The following GNB4 variants were observed in gnomAD, a reference collection of about 807,000 sequenced individuals.
GNB4 encodes the protein G protein subunit beta 4.
In GNB4, 28 loss-of-function variants were observed where a neutral mutation model predicts 45.2. That is an observed-to-expected ratio of 0.62 (90% CI 0.46 to 0.85). The LOEUF (loss-of-function observed/expected upper bound fraction) is 0.85. Among genes scored for constraint, GNB4 ranks in the 40% least tolerant of loss-of-function variants. The probability of loss-of-function intolerance (pLI) is 0.00; values close to 1 mark genes in which losing one functional copy is unlikely to be tolerated. For synonymous variants in GNB4, 132 were observed against 143.7 expected (o/e 0.92, Z 0.58); for missense variants, 321 against 425.4 (o/e 0.75, Z 2.16).
At chr3:179,406,270 T>G (rs1714468005) in intron 8 of GNB4, among the ~76,000 whole-genome samples, 1 of 152,212 alleles carries the variant, frequency 6.6e-6, no homozygotes, top group African/African-American at 2.4e-5. Flanking sequence ...AACATTATAG[T>G]TCAGTTTATT....
chr3:179,416,656 A>T (rs1254333635), intron 4 of GNB4, 100 bp from the exon 5 acceptor site: 1 of 636,018 alleles, frequency 1.6e-6, no homozygotes, highest in Non-Finnish European at 2.6e-6. Flanking sequence ...GAAAAATACA[A>T]TTTTTCCAAC....
At chr3:179,446,681 A>T (rs1715740545) in intron 1 of GNB4, among the ~76,000 whole-genome samples, 1 of 152,020 alleles carries the variant, frequency 6.6e-6, no homozygotes, top group South Asian at 2.1e-4. Context: ...TATTATCATC[A>T]CTCCACCAGA....
chr3:179,411,620 T>C (rs1714655556), intron 8 of GNB4, among the ~76,000 whole-genome samples: 1 of 152,172 alleles, frequency 6.6e-6, no homozygotes, highest in African/African-American at 2.4e-5. Flanking sequence ...TGAGAGAACA[T>C]CTCAACTTGA....
At chr3:179,492,278 A>C in the GNB4 span, among the ~76,000 whole-genome samples, 731 of 152,226 alleles carry the variant, frequency 4.8e-3, 9 homozygotes, top group Middle Eastern at 0.01. Context: ...AAGCTGCCCA[A>C]AGTCCATGCC....
the GNB4 span, among the ~76,000 whole-genome samples, chr3:179,525,625 C>T: frequency 1.3e-5 from 2 of 152,198 alleles, no homozygotes; most frequent in East Asian, 1.9e-4. Flanking sequence ...ATCAGGCAGG[C>T]GTCCCCGCAG....
the GNB4 span, among the ~76,000 whole-genome samples, chr3:179,508,005 G>T: frequency 6.6e-6 from 1 of 152,298 alleles, no homozygotes; most frequent in South Asian, 2.1e-4. Context: ...ATACTGAGAG[G>T]TTGGGAGAGT....
intron 1 of GNB4, among the ~76,000 whole-genome samples, chr3:179,429,238 G>GT (rs1715234413): frequency 6.6e-6 from 1 of 152,194 alleles, no homozygotes; most frequent in Non-Finnish European, 1.5e-5. Flanking sequence ...TGTAAAAGGG[G>GT]TAAAACCCCC....
chr3:179,419,612 T>C, intron 3 of GNB4, 107 bp from the exon 4 acceptor site: 3 of 730,626 alleles, frequency 4.1e-6, no homozygotes, highest in Non-Finnish European at 7.4e-6. Context: ...AGTACATTTA[T>C]AGTAACTGAA....
In GNB4 at chr3:179,413,442, C is replaced by A; in HGVS notation, c.669G>T (p.Thr223=). The change falls in exon 8 of 10, where the codon ACG becomes ACT. Residue 223 remains threonine (T), a synonymous_variant. Coordinates refer to ENST00000232564, the MANE Select transcript of GNB4 (RefSeq NM_021629.4). ...CAGCATTGATATCTGAGACATGTCC[C>A]GTGAAAGACTGTCTACACATTCCAT... ...IRDGMCRQSF[T]GHVSDINAVS... 1 of 1,613,886 alleles carries A rather than the reference C, an allele frequency of 6.2e-7. No individual in the cohort carries two copies. The highest frequency in any genetic ancestry group is 1.1e-5 in the South Asian group (1 of 91,070).
At chr3:179,419,605 A>T in intron 3 of GNB4, 100 bp from the exon 4 acceptor site, 1 of 752,830 alleles carries the variant, frequency 1.3e-6, no homozygotes, top group Non-Finnish European at 2.4e-6. Context: ...AACATAAAGT[A>T]CATTTATAGT....
the GNB4 span, among the ~76,000 whole-genome samples, chr3:179,514,524 A>G: frequency 6.6e-6 from 1 of 152,182 alleles, no homozygotes; most frequent in South Asian, 2.1e-4. Context: ...GCAAATTCAT[A>G]TGTTGAATCC....
chr3:179,466,956 G>A, the GNB4 span, among the ~76,000 whole-genome samples: 1 of 152,146 alleles, frequency 6.6e-6, no homozygotes, highest in East Asian at 1.9e-4. Context: ...AATGTTAAGG[G>A]TGGATTTTTA....
upstream of GNB4, among the ~76,000 whole-genome samples, chr3:179,455,133 G>A (rs889626016): frequency 3.9e-5 from 6 of 152,254 alleles, no homozygotes; most frequent in African/African-American, 1.2e-4. Context: ...TCAGGTTCTC[G>A]TTAACCATGG....
rs1186398900 is a variant in GNB4, at chr3:179,414,981, C to T, written c.334G>A (p.Val112Ile). 7 of 1,612,166 alleles carry T rather than the reference C, an allele frequency of 4.3e-6. No individual in the cohort carries two copies. The highest frequency in any genetic ancestry group is 5.9e-6 in the Non-Finnish European group (7 of 1,178,690). Residue 112 changes from valine (V) to isoleucine (I), a missense_variant, in exon 6 of 10, where the codon GTT becomes ATT. Physicochemically the swap from Val to Ile is conservative, Grantham distance 29 (BLOSUM62 3). Coordinates refer to ENST00000232564, the MANE Select transcript of GNB4 (RefSeq NM_021629.4). ...TCAYAPSGNY[V>I]ACGGLDNICS... ...ATGTTGTCCAAGCCTCCACAGGCAA[C>T]ATAATTACCAGAGGGAGCATAAGCA... is the stretch of plus-strand genomic sequence containing the variant.
chr3:179,483,167 G>A, the GNB4 span, among the ~76,000 whole-genome samples: 1 of 151,578 alleles, frequency 6.6e-6, no homozygotes, highest in African/African-American at 2.4e-5. Context: ...TGTTTTTCCT[G>A]TGTATACCCT....
At chr3:179,495,975 A>T in the GNB4 span, among the ~76,000 whole-genome samples, 1 of 152,202 alleles carries the variant, frequency 6.6e-6, no homozygotes, top group Non-Finnish European at 1.5e-5. Context: ...AAACAAAAGG[A>T]AACTAATTAG....
At chr3:179,439,098 T>G (rs1302645291) in intron 1 of GNB4, among the ~76,000 whole-genome samples, 1 of 152,160 alleles carries the variant, frequency 6.6e-6, no homozygotes, top group Non-Finnish European at 1.5e-5. Flanking sequence ...GACTACAGAC[T>G]CGGAAACCTT....
At chr3:179,491,773 A>C in the GNB4 span, among the ~76,000 whole-genome samples, 1 of 152,220 alleles carries the variant, frequency 6.6e-6, no homozygotes, top group East Asian at 1.9e-4. Context: ...TCTCTGAAGC[A>C]GTTGCTGGCA....
chr3:179,443,499 AC>A (rs1254498383), intron 1 of GNB4, among the ~76,000 whole-genome samples: 1 of 152,204 alleles, frequency 6.6e-6, no homozygotes, highest in Non-Finnish European at 1.5e-5. Context: ...AGATCTCACC[AC>A]TGTACTCCAG....
Sources: allele counts gnomAD v4.1 joint callset (sites outside exome capture counted in the v4.1 genomes callset), GRCh38; gene constraint gnomAD v4.1.1; transcripts MANE v1.5; gene names NCBI Gene and HGNC (gene_info 2026-07-23, HGNC 2026-07-21).